The following B3GALT1 variants were observed in gnomAD, a reference collection of about 807,000 sequenced individuals.
The protein encoded by B3GALT1 is beta-1,3-galactosyltransferase 1.
A neutral mutation model predicts 23.2 loss-of-function variants in B3GALT1; 10 were observed. That is an observed-to-expected ratio of 0.43 (90% CI 0.27 to 0.73). The LOEUF (loss-of-function observed/expected upper bound fraction) is 0.73, where lower values mean the gene tolerates loss of function less well. Among genes scored for constraint, B3GALT1 ranks in the 30% least tolerant of loss-of-function variants. The pLI, the probability that B3GALT1 is intolerant of heterozygous loss-of-function variation, is 0.21. For missense variants in B3GALT1, 299 were observed against 405.4 expected, an observed-to-expected ratio of 0.74 and a Z score of 2.25; for synonymous variants, 156 against 141.5, an observed-to-expected ratio of 1.10 and a Z score of -0.73.
At chr2:167,700,563 T>C (rs1358304945) in intron 3 of B3GALT1, among the ~76,000 whole-genome samples, 1 of 152,172 alleles carries the variant, frequency 6.6e-6, no homozygotes, top group Non-Finnish European at 1.5e-5. Context: ...TGTATTAGTA[T>C]GATAGAAATG....
intron 1 of B3GALT1, among the ~76,000 whole-genome samples, chr2:167,323,017 C>T (rs1696837443): frequency 6.6e-6 from 1 of 151,986 alleles, no homozygotes; most frequent in Non-Finnish European, 1.5e-5. Flanking sequence ...GTCTCAATTT[C>T]ATTATGTCTA....
chr2:167,435,979 ACACG>A lies in B3GALT1; in HGVS notation c.-510-54194_-510-54191del, dbSNP rs1370523273. On this transcript the variant is annotated intron_variant, in intron 1 of 4. Transcript: ENST00000392690. Reference sequence around the variant, plus strand: ...AACACACACACACACACACACACACACACGCACACACACACACGCACTAGTCCAA... The same window carrying A: ...AACACACACACACACACACACACACACACACACACACACGCACTAGTCCAA... Among the ~76,000 whole-genome samples, 94 of 105,134 alleles carry A rather than the reference ACACG, an allele frequency of 8.9e-4. 1 individual carries two copies. The highest frequency in any genetic ancestry group is 5.2e-3 in the African/African-American group (84 of 16,160). The allele number at this position is 105,134 out of a possible 152,430, so 69.0% of individuals were successfully genotyped here.
chr2:167,359,314 T>C (rs1414897795), intron 1 of B3GALT1, among the ~76,000 whole-genome samples: 1 of 152,198 alleles, frequency 6.6e-6, no homozygotes, highest in Non-Finnish European at 1.5e-5. Context: ...GAATCTAATA[T>C]GTGTTTAACA....
intron 3 of B3GALT1, among the ~76,000 whole-genome samples, chr2:167,795,917 G>T (rs1002964196): frequency 6.6e-6 from 1 of 152,166 alleles, no homozygotes; most frequent in Non-Finnish European, 1.5e-5. Flanking sequence ...CATATCCTGG[G>T]CAGTGCATTC....
At chr2:167,555,423 T>A (rs1337514792) in intron 2 of B3GALT1, among the ~76,000 whole-genome samples, 4 of 152,194 alleles carry the variant, frequency 2.6e-5, no homozygotes, top group Non-Finnish European at 2.9e-5. Flanking sequence ...CCCGTGTTAC[T>A]AGGATAAAGT....
chr2:167,842,129 T>G (rs1333197652), intron 4 of B3GALT1, among the ~76,000 whole-genome samples: 1 of 152,206 alleles, frequency 6.6e-6, no homozygotes, highest in Non-Finnish European at 1.5e-5. Context: ...GGGACCTATT[T>G]TATCATATCT....
chr2:167,513,368 G>A (rs187928831), intron 2 of B3GALT1, among the ~76,000 whole-genome samples: 24 of 152,214 alleles, frequency 1.6e-4, no homozygotes, highest in Admixed American at 5.9e-4. Context: ...GGGAAACAAA[G>A]GAAAGAAATA....
chr2:167,615,875 G>A (rs1685152313), intron 2 of B3GALT1, among the ~76,000 whole-genome samples: 2 of 152,002 alleles, frequency 1.3e-5, no homozygotes, highest in Admixed American at 1.3e-4. Context: ...ACTGAGGTGT[G>A]GAAAGGTTTT....
chr2:167,306,491 GA>G (rs1283760424), intron 1 of B3GALT1, among the ~76,000 whole-genome samples: 1 of 151,772 alleles, frequency 6.6e-6, no homozygotes, highest in East Asian at 1.9e-4. Flanking sequence ...ATTTTTAAAT[GA>G]AAAAACAACT....
At chr2:167,461,717 T>A (rs10203387) in intron 1 of B3GALT1, among the ~76,000 whole-genome samples, 29,609 of 152,144 alleles carry the variant, frequency 0.19, 5,044 homozygotes, top group African/African-American at 0.47. Context: ...CTAAATTCTT[T>A]TCTATTTGGA....
At chr2:167,704,038 G>T (rs560338813) in intron 3 of B3GALT1, among the ~76,000 whole-genome samples, 2 of 151,944 alleles carry the variant, frequency 1.3e-5, no homozygotes, top group African/African-American at 2.4e-5. Flanking sequence ...AAAATTAGCC[G>T]GGTGTGGTAT....
At chr2:167,640,349 G>A (rs917809907) in intron 2 of B3GALT1, among the ~76,000 whole-genome samples, 2 of 151,398 alleles carry the variant, frequency 1.3e-5, no homozygotes, top group African/African-American at 4.9e-5. Context: ...TTAGAGCACA[G>A]AGTTTTTCAG....
At chr2:167,406,277 A>G (rs1698273982) in intron 1 of B3GALT1, among the ~76,000 whole-genome samples, 2 of 152,188 alleles carry the variant, frequency 1.3e-5, no homozygotes, top group South Asian at 4.1e-4. Context: ...AAAAAGCACT[A>G]GACTTCTGGT....
chr2:167,440,446 T>G (rs1028632473), intron 1 of B3GALT1, among the ~76,000 whole-genome samples: 1 of 152,086 alleles, frequency 6.6e-6, no homozygotes, highest in South Asian at 2.1e-4. Flanking sequence ...AAATACTGAT[T>G]TAATGTGACA....
chr2:167,855,218 T>C (rs1180156296), intron 4 of B3GALT1, among the ~76,000 whole-genome samples: 1 of 152,122 alleles, frequency 6.6e-6, no homozygotes, highest in Non-Finnish European at 1.5e-5. Flanking sequence ...CATTAAGTCA[T>C]GGATAATTAA....
At chr2:167,664,039 G>A (rs1686125169) in intron 3 of B3GALT1, among the ~76,000 whole-genome samples, 1 of 150,870 alleles carries the variant, frequency 6.6e-6, no homozygotes, top group Non-Finnish European at 1.5e-5. Context: ...CCTTGCCCAT[G>A]CCTATGTCCT....
intron 1 of B3GALT1, among the ~76,000 whole-genome samples, chr2:167,410,453 T>TG (rs1698372662): frequency 6.9e-6 from 1 of 145,152 alleles, no homozygotes; most frequent in Non-Finnish European, 1.5e-5. Context: ...ATCGCGCCAC[T>TG]GCACTCCAGC....
chr2:167,794,949 T>C (rs1366366041), intron 3 of B3GALT1, among the ~76,000 whole-genome samples: 1 of 152,202 alleles, frequency 6.6e-6, no homozygotes, highest in South Asian at 2.1e-4. Context: ...ATCTTTGAAA[T>C]TATATATGGA....
At chr2:167,563,095 C>T (rs1367095933) in intron 2 of B3GALT1, among the ~76,000 whole-genome samples, 1 of 152,126 alleles carries the variant, frequency 6.6e-6, no homozygotes, top group South Asian at 2.1e-4. Context: ...ATCTTCTCCC[C>T]ACCTTTCCCC....
Sources: allele counts gnomAD v4.1 joint callset (sites outside exome capture counted in the v4.1 genomes callset), GRCh38; gene constraint gnomAD v4.1.1; transcripts MANE v1.5; gene names NCBI Gene and HGNC (gene_info 2026-07-23, HGNC 2026-07-21).